The following GRIK3 variants were observed in gnomAD, a reference collection of about 807,000 sequenced individuals.
GRIK3 encodes glutamate ionotropic receptor kainate type subunit 3.
In GRIK3, 29 loss-of-function variants were observed where a neutral mutation model predicts 102.5. The ratio of observed to expected loss-of-function variants is 0.28; its 90% CI spans 0.21 to 0.39. GRIK3 has a LOEUF of 0.39. GRIK3 is among the 10% of genes least tolerant of loss of function. GRIK3 has a pLI of 1.00. For synonymous variants in GRIK3, 511 were observed against 504.9 expected (o/e 1.01, Z -0.16); for missense variants, 908 against 1,252.4 (o/e 0.73, Z 4.15).
rs375908438 is a variant in GRIK3, at chr1:36,986,291, C to T, written c.115+47703G>A. On this transcript the variant is annotated intron_variant, in intron 1 of 15. Transcript: ENST00000373091. ...CAACCAATGCATCCATCCACCCACT[C>T]ACCCCACCAGTCCACCCATACATCA... 1.8e-4 allele frequency among the ~76,000 whole-genome samples: 28 copies of T among 152,266 alleles called. No individual in the cohort carries two copies. In the East Asian group the frequency reaches 5.2e-3, roughly 28 times the overall value.
intron 13 of GRIK3, among the ~76,000 whole-genome samples, chr1:36,809,079 C>G (rs773186669): frequency 2.6e-5 from 4 of 152,074 alleles, no homozygotes; most frequent in Admixed American, 2.0e-4. Flanking sequence ...GAGGTGAGAA[C>G]CAAAGGTAGA....
chr1:36,850,258 C>T lies in GRIK3; in HGVS notation c.1326+53G>A. Reference sequence around the variant, plus strand: ...AGAGGGGACTCTCCAGCCCGAACGGCCACCCCACCCCCAGGTCGGACAGTC... The same window carrying T: ...AGAGGGGACTCTCCAGCCCGAACGGTCACCCCACCCCCAGGTCGGACAGTC... On this transcript the variant is annotated intron_variant, in intron 9 of 15. Coordinates refer to ENST00000373091, the MANE Select transcript of GRIK3 (RefSeq NM_000831.4). The surrounding 1 kb of genome is among the most constrained non-coding windows in gnomAD (Gnocchi z 4.0). 1 of 1,185,840 alleles carries T rather than the reference C, an allele frequency of 8.4e-7. No homozygotes were observed. The highest frequency in any genetic ancestry group is 1.3e-6 in the Non-Finnish European group (1 of 789,650). 73.5% of individuals were successfully genotyped at this position (1,185,840 alleles called of 1,614,324 possible).
intron 1 of GRIK3, among the ~76,000 whole-genome samples, chr1:37,031,708 TG>T (rs368179551): frequency 6.6e-6 from 1 of 152,022 alleles, no homozygotes; most frequent in Non-Finnish European, 1.5e-5. Context: ...ATCCCAGGGA[TG>T]GGGGGGATGG....
intron 13 of GRIK3, among the ~76,000 whole-genome samples, chr1:36,810,314 G>C (rs1642547828): frequency 1.3e-5 from 2 of 152,186 alleles, no homozygotes; most frequent in African/African-American, 2.4e-5. Context: ...CATCCTGCCT[G>C]TCCCGGCCCT....
At chr1:37,019,447 G>A (rs182328232) in intron 1 of GRIK3, among the ~76,000 whole-genome samples, 40 of 152,244 alleles carry the variant, frequency 2.6e-4, no homozygotes, top group Admixed American at 2.0e-4. Flanking sequence ...TCCTCCCCAG[G>A]ACTCCAGGGA....
chr1:36,874,731 T>TG (rs993390272), intron 3 of GRIK3, among the ~76,000 whole-genome samples: 1 of 152,204 alleles, frequency 6.6e-6, no homozygotes, highest in African/African-American at 2.4e-5. Flanking sequence ...ATGTGGGCTT[T>TG]GGGGACCCAG....
chr1:36,935,873 G>A (rs978900723), intron 1 of GRIK3, among the ~76,000 whole-genome samples: 3 of 152,144 alleles, frequency 2.0e-5, no homozygotes, highest in East Asian at 1.9e-4. Context: ...CCAATTAATC[G>A]CAAATTGATG....
intron 4 of GRIK3, among the ~76,000 whole-genome samples, chr1:36,870,934 A>C (rs1312012679): frequency 7.3e-6 from 1 of 136,634 alleles, no homozygotes; most frequent in Non-Finnish European, 1.6e-5. Context: ...GGGTTGGGGT[A>C]GGGGGGAGAA....
chr1:37,033,095 G>A (rs1036122184), intron 1 of GRIK3, among the ~76,000 whole-genome samples: 6 of 152,178 alleles, frequency 3.9e-5, no homozygotes, highest in African/African-American at 1.4e-4. Flanking sequence ...CAGCCCTGCC[G>A]GTCGTCGGCC....
intron 1 of GRIK3, among the ~76,000 whole-genome samples, chr1:37,030,542 A>ACC (rs1642814813): frequency 2.5e-4 from 13 of 51,506 alleles, no homozygotes; most frequent in African/African-American, 3.5e-4. Flanking sequence ...CCCACCCCCC[A>ACC]CCCCCTCCCC....
chr1:37,030,224 C>T (rs911258220), intron 1 of GRIK3, among the ~76,000 whole-genome samples: 3 of 152,236 alleles, frequency 2.0e-5, no homozygotes, highest in African/African-American at 7.2e-5. Flanking sequence ...CATTCAGCTG[C>T]TGTCTGCTCC....
chr1:36,949,584 T>C (rs1641821599), intron 1 of GRIK3, among the ~76,000 whole-genome samples: 2 of 133,244 alleles, frequency 1.5e-5, no homozygotes, highest in South Asian at 5.6e-4. Context: ...CTTTTTTTTT[T>C]TTTTTTTTTT....
intron 1 of GRIK3, among the ~76,000 whole-genome samples, chr1:36,942,412 G>A (rs892328046): frequency 6.6e-6 from 1 of 152,192 alleles, no homozygotes; most frequent in Non-Finnish European, 1.5e-5. Flanking sequence ...GGCTCCTCTG[G>A]TAAAGACCTG....
chr1:36,982,648 A>C (rs1642261936), intron 1 of GRIK3, among the ~76,000 whole-genome samples: 1 of 152,198 alleles, frequency 6.6e-6, no homozygotes, highest in African/African-American at 2.4e-5. Flanking sequence ...CAGCCAGGCC[A>C]AGCCTTCTAA....
intron 1 of GRIK3, among the ~76,000 whole-genome samples, chr1:36,940,579 T>C (rs1346089865): frequency 6.6e-6 from 1 of 152,202 alleles, no homozygotes; most frequent in Non-Finnish European, 1.5e-5. Context: ...AGATATTGCA[T>C]AACACTACGA....
At chr1:36,832,554 A>G (rs1033485938) in intron 10 of GRIK3, among the ~76,000 whole-genome samples, 1 of 152,166 alleles carries the variant, frequency 6.6e-6, no homozygotes, top group African/African-American at 2.4e-5. Context: ...ATAAGTGTCA[A>G]CCGATGGGTC....
intron 1 of GRIK3, among the ~76,000 whole-genome samples, chr1:37,011,522 T>A (rs546065849): frequency 6.6e-6 from 1 of 152,284 alleles, no homozygotes; most frequent in East Asian, 1.9e-4. Context: ...GGTTAAGAAC[T>A]CGCCTGAAGT....
In GRIK3 at chr1:36,796,869, C is replaced by G. The variant is rs1010329175; in HGVS notation, c.*4982G>C. The G allele has an allele frequency of 2.0e-5, 3 of 152,162 alleles. No homozygotes were observed. The highest frequency in any genetic ancestry group is 1.9e-4 in the East Asian group (1 of 5,192). 9.4% of individuals were successfully genotyped at this position (152,162 alleles called of 1,614,324 possible). On this transcript the variant is annotated 3_prime_UTR_variant, in exon 16 of 16. Transcript: ENST00000373091. The stretch of plus-strand genomic sequence containing the variant: ...TGGGGAGTGGCCTGCTCTTTCCCAG[C>G]CCTTCTGCTCCTGATGAATTGCCCC...
chr1:36,846,804 C>A (rs564429549), intron 9 of GRIK3, among the ~76,000 whole-genome samples: 24 of 152,346 alleles, frequency 1.6e-4, no homozygotes, highest in African/African-American at 5.8e-4. Context: ...TCTGGAGCAG[C>A]TCTAGTTTCA....
Sources: allele counts gnomAD v4.1 joint callset (sites outside exome capture counted in the v4.1 genomes callset), GRCh38; gene constraint gnomAD v4.1.1; non-coding constraint Gnocchi (gnomAD v3.1); transcripts MANE v1.5; gene names NCBI Gene and HGNC (gene_info 2026-07-23, HGNC 2026-07-21).